The following TARBP1 variants were observed in gnomAD, a reference collection of about 807,000 sequenced individuals.
TARBP1 encodes tRNA (guanosine(18)-2'-O)-methyltransferase TARBP1.
In TARBP1, 144 loss-of-function variants were observed where a neutral mutation model predicts 178.6. The ratio of observed to expected loss-of-function variants is 0.81; its 90% CI spans 0.70 to 0.93. The LOEUF (loss-of-function observed/expected upper bound fraction) is 0.93, where lower values mean the gene tolerates loss of function less well. Among genes scored for constraint, TARBP1 ranks in the 40% least tolerant of loss-of-function variants. TARBP1 has a pLI of 0.00. For missense variants in TARBP1, 2,067 were observed against 2,011.7 expected, an observed-to-expected ratio of 1.03 and a Z score of -0.53; for synonymous variants, 787 against 781.0, an observed-to-expected ratio of 1.01 and a Z score of -0.13.
In TARBP1 at chr1:234,448,487, G is replaced by A. The variant is rs754176372; in HGVS notation, c.1954C>T (p.Gln652Ter). The A allele has an allele frequency of 4.3e-6, 7 of 1,613,128 alleles. No homozygotes were observed. The highest frequency in any genetic ancestry group is 5.9e-6 in the Non-Finnish European group (7 of 1,179,364). The part of the protein sequence containing the change: ...LAVDVEGMKT[Q>*]YSGKQRTENV... ...AATTACAGAAACAATTACCTATACTGAGTCTTCATTCCTTCCACATCCACA... is the reference window on the plus strand; with the variant it reads ...AATTACAGAAACAATTACCTATACTAAGTCTTCATTCCTTCCACATCCACA... Residue 652 changes from glutamine to a stop codon, truncating the protein, a stop_gained, in exon 11 of 30, where the codon CAG becomes TAG. Transcript: ENST00000040877. LOFTEE classifies it high-confidence loss of function.
intron 24 of TARBP1, among the ~76,000 whole-genome samples, chr1:234,403,886 C>T (rs1393978493): frequency 1.3e-5 from 2 of 152,102 alleles, no homozygotes; most frequent in African/African-American, 4.8e-5. Context: ...CAGGGTTTCA[C>T]CATGTTGGTC....
Position 234,478,833 on chromosome 1 carries a change from G to A in TARBP1, c.271C>T (p.Arg91Cys), listed in dbSNP as rs899772721. The A allele has an allele frequency of 1.5e-4, 174 of 1,198,764 alleles. No homozygotes were observed. The African/African-American group carries it at 1.5e-3, about 11-fold the overall frequency. 74.3% of individuals were successfully genotyped at this position (1,198,764 alleles called of 1,614,324 possible). Residue 91 changes from arginine to cysteine, a missense_variant, in exon 1 of 30, where the codon CGC becomes TGC. By Grantham distance (180) the Arg-to-Cys change is radical. Transcript: ENST00000040877. ...AGGPDPSLQP[R>C]HRRRVLRAAG... ...GCCCTCAGCACGCGCCGGCGGTGGCGAGGCTGCAGACTGGGGTCCGGGCCG... is the reference window on the plus strand; with the variant it reads ...GCCCTCAGCACGCGCCGGCGGTGGCAAGGCTGCAGACTGGGGTCCGGGCCG...
Position 234,467,541 on chromosome 1 carries a change from A to G in TARBP1, c.1209T>C (p.Tyr403=), listed in dbSNP as rs747129980. The change falls in exon 4 of 30, where the codon TAT becomes TAC. Residue 403 remains tyrosine, a synonymous_variant. Coordinates refer to ENST00000040877, the MANE Select transcript of TARBP1 (RefSeq NM_005646.4). ...GTGAAAATGGAAGAATCTTTGTTTC[A>G]TACAGCTCCAAAAAATGGATAACAC... is the stretch of plus-strand genomic sequence containing the variant. The part of the protein sequence containing the change: ...KEGVIHFLEL[Y]ETKILPFSPE... 6.2e-7 allele frequency: 1 copy of G among 1,604,874 alleles called. No individual in the cohort carries two copies. The highest frequency in any genetic ancestry group is 1.1e-5 in the South Asian group (1 of 88,722).
intron 12 of TARBP1, among the ~76,000 whole-genome samples, chr1:234,445,309 C>A (rs958451526): frequency 2.6e-5 from 4 of 152,162 alleles, no homozygotes; most frequent in Non-Finnish European, 5.9e-5. Context: ...ACTTGGACCC[C>A]TTCTCTGTCT....
At chr1:234,416,854 G>C (rs1247084158) in intron 22 of TARBP1, among the ~76,000 whole-genome samples, 1 of 152,150 alleles carries the variant, frequency 6.6e-6, no homozygotes, top group Non-Finnish European at 1.5e-5. Flanking sequence ...GGCCCTGCAG[G>C]TGGCTGGAGA....
chr1:234,416,336 T>C (rs1285419220), intron 22 of TARBP1, among the ~76,000 whole-genome samples: 2 of 152,184 alleles, frequency 1.3e-5, no homozygotes, highest in Non-Finnish European at 2.9e-5. Context: ...CTCACTTTGA[T>C]GCCATCTGGA....
intron 26 of TARBP1, among the ~76,000 whole-genome samples, chr1:234,397,871 G>A (rs1411236141): frequency 2.1e-5 from 3 of 139,612 alleles, no homozygotes; most frequent in East Asian, 4.3e-4. Context: ...AGAGGAATGT[G>A]GGTCCCAGAG....
At chr1:234,459,647 A>G (rs554058114) in intron 7 of TARBP1, among the ~76,000 whole-genome samples, 2 of 152,222 alleles carry the variant, frequency 1.3e-5, no homozygotes, top group South Asian at 4.1e-4. Flanking sequence ...TCCCGTCTCT[A>G]CTAAAAATAC....
At chr1:234,444,432 C>A (rs1327897153) in intron 12 of TARBP1, among the ~76,000 whole-genome samples, 8 of 152,188 alleles carry the variant, frequency 5.3e-5, no homozygotes, top group Non-Finnish European at 1.2e-4. Flanking sequence ...ACTGTATCTG[C>A]AGAATGACAA....
intron 17 of TARBP1, among the ~76,000 whole-genome samples, chr1:234,428,237 C>T (rs1483418875): frequency 2.0e-5 from 3 of 152,196 alleles, no homozygotes; most frequent in Non-Finnish European, 4.4e-5. Flanking sequence ...TACACTGGAA[C>T]TCCACCTTGG....
chr1:234,467,495 T>C lies in TARBP1; in HGVS notation c.1248+7A>G, dbSNP rs1388390208. The C allele has an allele frequency of 1.9e-6, 3 of 1,579,636 alleles. No homozygotes were observed. The highest frequency in any genetic ancestry group is 2.6e-6 in the Non-Finnish European group (3 of 1,166,584). ...TGGGAGCAAGGAAGGGGACAGGGTG[T>C]CATTACCTCAGAAAATTCTGGTGAA... On this transcript the variant is annotated splice_region_variant and intron_variant, in intron 4 of 29. Coordinates refer to ENST00000040877, the MANE Select transcript of TARBP1 (RefSeq NM_005646.4).
intron 22 of TARBP1, among the ~76,000 whole-genome samples, chr1:234,412,304 T>C (rs1280424775): frequency 6.6e-6 from 1 of 151,840 alleles, no homozygotes; most frequent in African/African-American, 2.4e-5. Context: ...CACCTGTAAT[T>C]CCAGTTACCT....
chr1:234,453,944 G>A (rs1046357798), intron 9 of TARBP1, among the ~76,000 whole-genome samples: 1 of 152,136 alleles, frequency 6.6e-6, no homozygotes, highest in African/African-American at 2.4e-5. Flanking sequence ...CAAAACAAAC[G>A]AAAGGAGAGT....
chr1:234,448,610 C>T, intron 10 of TARBP1, 31 bp from the exon 11 acceptor site: 1 of 1,572,482 alleles, frequency 6.4e-7, no homozygotes. Flanking sequence ...GTTTGCAAAG[C>T]ATTAACAAAA....
chr1:234,429,739 C>T (rs1282737522), intron 15 of TARBP1, 62 bp from the exon 16 acceptor site: 7 of 1,413,884 alleles, frequency 5.0e-6, no homozygotes, highest in African/African-American at 1.5e-5. Context: ...GTCTTTTGCA[C>T]GTAGCACACT....
In TARBP1 at chr1:234,398,527, A is replaced by G; in HGVS notation, c.4098T>C (p.Leu1366=). The G allele has an allele frequency of 6.3e-7, 1 of 1,595,360 alleles. No individual in the cohort carries two copies. The highest frequency in any genetic ancestry group is 8.6e-7 in the Non-Finnish European group (1 of 1,168,648). ...TCCATTCATCTTCAATAAGGCCTGA[A>G]AGGCGTGGAAGGATGTAAAATATGG... ...LETIFYILPR[L]SGLIEDEWIT... Residue 1366 remains leucine (L), a synonymous_variant, in exon 26 of 30, where the codon CTT becomes CTC. Transcript: ENST00000040877.
chr1:234,461,940 C>G (rs150452221), intron 6 of TARBP1, among the ~76,000 whole-genome samples: 1 of 152,150 alleles, frequency 6.6e-6, no homozygotes, highest in Non-Finnish European at 1.5e-5. Context: ...AAGGATATTA[C>G]GCGGACTTTG....
intron 17 of TARBP1, among the ~76,000 whole-genome samples, chr1:234,427,997 CA>C (rs1278521114): frequency 6.6e-6 from 1 of 152,182 alleles, no homozygotes; most frequent in Non-Finnish European, 1.5e-5. Context: ...CAGGACTCTT[CA>C]AGAGAAACAA....
intron 26 of TARBP1, 75 bp from the exon 27 acceptor site, chr1:234,393,912 G>A: frequency 5.8e-6 from 6 of 1,042,728 alleles, no homozygotes; most frequent in Non-Finnish European, 8.0e-6. Context: ...ACATGTATAT[G>A]TATTTTTAAG....
Sources: allele counts gnomAD v4.1 joint callset (sites outside exome capture counted in the v4.1 genomes callset), GRCh38; gene constraint gnomAD v4.1.1; transcripts MANE v1.5; gene names NCBI Gene and HGNC (gene_info 2026-07-23, HGNC 2026-07-21).